The following COX7B2 variants were observed in gnomAD, a reference collection of about 807,000 sequenced individuals.
The protein encoded by COX7B2 is cytochrome c oxidase subunit 7B2, also known as cytochrome c oxidase subunit 7B2, mitochondrial.
For missense variants in COX7B2, 109 were observed against 95.9 expected, an observed-to-expected ratio of 1.14 and a Z score of -0.57; for synonymous variants, 37 against 32.1, an observed-to-expected ratio of 1.15 and a Z score of -0.51.
chr4:46,807,136 T>C (rs1427528078), intron 2 of COX7B2, among the ~76,000 whole-genome samples: 1 of 151,926 alleles, frequency 6.6e-6, no homozygotes, highest in Non-Finnish European at 1.5e-5. Flanking sequence ...AGTCCCACAG[T>C]GTACAAGAGA....
At chr4:46,895,258 T>C (rs758262494) in intron 1 of COX7B2, among the ~76,000 whole-genome samples, 6 of 152,104 alleles carry the variant, frequency 3.9e-5, no homozygotes, top group East Asian at 1.9e-4. Context: ...CAATAACAGA[T>C]TGAATAAAGA....
intron 2 of COX7B2, among the ~76,000 whole-genome samples, chr4:46,763,714 C>G (rs796571187): frequency 3.9e-5 from 6 of 152,100 alleles, no homozygotes; most frequent in African/African-American, 9.6e-5. Flanking sequence ...ATGGAAAAAA[C>G]AAGGTTTTGA....
At chr4:46,751,469 C>G (rs939240072) in intron 2 of COX7B2, among the ~76,000 whole-genome samples, 1 of 151,978 alleles carries the variant, frequency 6.6e-6, no homozygotes, top group Admixed American at 6.6e-5. Flanking sequence ...CAGTTTAGAG[C>G]AAATGAAACA....
chr4:46,795,624 C>T (rs1718285805), intron 2 of COX7B2, among the ~76,000 whole-genome samples: 1 of 96,072 alleles, frequency 1.0e-5, no homozygotes, highest in African/African-American at 4.7e-5. Flanking sequence ...AGTTTGAAGT[C>T]AGGTAGTGTG....
chr4:46,796,237 G>A (rs1375726973), intron 2 of COX7B2, among the ~76,000 whole-genome samples: 1 of 147,696 alleles, frequency 6.8e-6, no homozygotes, highest in Non-Finnish European at 1.5e-5. Context: ...CCAACACTAT[G>A]TTGAATAGGA....
chr4:46,763,350 G>A (rs899330005), intron 2 of COX7B2, among the ~76,000 whole-genome samples: 2 of 150,238 alleles, frequency 1.3e-5, no homozygotes, highest in Non-Finnish European at 2.9e-5. Context: ...TCATGTTTGT[G>A]TATGTGTGTT....
At chr4:46,815,669 T>G (rs566988091) in intron 2 of COX7B2, among the ~76,000 whole-genome samples, 1 of 152,264 alleles carries the variant, frequency 6.6e-6, no homozygotes, top group Non-Finnish European at 1.5e-5. Flanking sequence ...AAAAAGAGTA[T>G]CACTCTTATT....
intron 1 of COX7B2, among the ~76,000 whole-genome samples, chr4:46,874,676 A>G (rs1458382861): frequency 6.6e-6 from 1 of 152,174 alleles, no homozygotes; most frequent in Non-Finnish European, 1.5e-5. Flanking sequence ...TTTTGAAAGC[A>G]CACAATATTT....
chr4:46,879,386 C>T (rs1225479440), intron 1 of COX7B2, among the ~76,000 whole-genome samples: 5 of 151,946 alleles, frequency 3.3e-5, no homozygotes, highest in Admixed American at 6.5e-5. Context: ...AGTGTGATCA[C>T]GGCTCGCTGC....
At chr4:46,779,246 T>G (rs1717315089) in intron 2 of COX7B2, among the ~76,000 whole-genome samples, 1 of 152,222 alleles carries the variant, frequency 6.6e-6, no homozygotes, top group Admixed American at 6.5e-5. Context: ...TCTAATAGGC[T>G]TTCACATATA....
chr4:46,758,306 G>A (rs1249514740), intron 2 of COX7B2, among the ~76,000 whole-genome samples: 1 of 152,100 alleles, frequency 6.6e-6, no homozygotes, highest in Non-Finnish European at 1.5e-5. Flanking sequence ...CATAGAAAAT[G>A]TATCAAAGTG....
rs556924072 is a variant in COX7B2 at position 46,828,571 on chromosome 4, A to C, written c.-50+16389T>G. ...CCACTGGTAATACTAGGTGCCAATC[A>C]TAAGAGATAAATGGAATAAAATGTG... On this transcript the variant is annotated intron_variant, in intron 2 of 2. Transcript: ENST00000355591. Among the ~76,000 whole-genome samples the C allele has an allele frequency of 2.0e-5, 3 of 152,316 alleles. No individual in the cohort carries two copies. In the South Asian group the frequency reaches 6.2e-4, roughly 32 times the overall value.
intron 1 of COX7B2, among the ~76,000 whole-genome samples, chr4:46,907,384 G>A (rs1720457406): frequency 6.6e-6 from 1 of 152,042 alleles, no homozygotes; most frequent in South Asian, 2.1e-4. Flanking sequence ...TAACAATGAA[G>A]CATAAATTTT....
chr4:46,749,812 A>C (rs1195326774), intron 2 of COX7B2, among the ~76,000 whole-genome samples: 3 of 152,202 alleles, frequency 2.0e-5, no homozygotes. Flanking sequence ...AAAGTATGAG[A>C]ATCTGCCAAG....
intron 2 of COX7B2, among the ~76,000 whole-genome samples, chr4:46,787,980 C>T (rs1311948717): frequency 1.3e-5 from 2 of 152,130 alleles, no homozygotes; most frequent in African/African-American, 2.4e-5. Flanking sequence ...CTCTGATCCC[C>T]AACTCCTTCC....
At chr4:46,884,378 G>A (rs1439316788) in intron 1 of COX7B2, among the ~76,000 whole-genome samples, 2 of 152,148 alleles carry the variant, frequency 1.3e-5, no homozygotes, top group Non-Finnish European at 2.9e-5. Flanking sequence ...TTTAAGAAAA[G>A]TTTCTGTTCT....
chr4:46,897,742 A>G (rs776031674), intron 1 of COX7B2, among the ~76,000 whole-genome samples: 2 of 152,152 alleles, frequency 1.3e-5, no homozygotes, highest in Non-Finnish European at 2.9e-5. Flanking sequence ...AACAGATGAC[A>G]GTGGCTTAAA....
intron 1 of COX7B2, among the ~76,000 whole-genome samples, chr4:46,870,133 G>A (rs889157548): frequency 1.7e-4 from 26 of 151,818 alleles, no homozygotes; most frequent in Admixed American, 1.6e-3. Context: ...TAAGTTCTGA[G>A]ATTCTTTCCT....
At chr4:46,895,330 CTT>C (rs1719692981) in intron 1 of COX7B2, among the ~76,000 whole-genome samples, 2 of 152,150 alleles carry the variant, frequency 1.3e-5, no homozygotes, top group Admixed American at 1.3e-4. Flanking sequence ...GAGACCCTGT[CTT>C]TTGTGGGAAC....
Sources: gnomAD v4.1 joint callset for allele counts (sites outside exome capture counted in the v4.1 genomes callset) on GRCh38, gnomAD v4.1.1 for gene constraint, MANE v1.5 for transcripts, NCBI Gene and HGNC (gene_info 2026-07-23, HGNC 2026-07-21) for gene names.